Variants in TTC6 observed in about 807,000 individuals in gnomAD.
TTC6 encodes the protein tetratricopeptide repeat domain 6.
Under a neutral mutation model 210.4 loss-of-function variants are expected in TTC6, and 172 were observed. The ratio of observed to expected loss-of-function variants is 0.82; its 90% CI spans 0.72 to 0.93. The LOEUF is 0.93. TTC6 is among the 40% of genes least tolerant of loss of function. TTC6 has a pLI of 0.00. For synonymous variants in TTC6, 804 were observed against 819.6 expected (o/e 0.98, Z 0.32); for missense variants, 2,414 against 2,318.1 (o/e 1.04, Z -0.85).
chr14:37,833,703 A>G (rs1279396398), intron 29 of TTC6, among the ~76,000 whole-genome samples: 2 of 152,044 alleles, frequency 1.3e-5, no homozygotes, highest in African/African-American at 4.8e-5. Flanking sequence ...TATCTTTGAT[A>G]ATAAAATTTG....
At chr14:37,821,567 ATCT>A (rs2096157251) in intron 26 of TTC6, among the ~76,000 whole-genome samples, 1 of 151,996 alleles carries the variant, frequency 6.6e-6, no homozygotes, top group Non-Finnish European at 1.5e-5. Flanking sequence ...TTGTTGTGTG[ATCT>A]TCTAGAAGAA....
chr14:37,618,144 T>A (rs1339110088), upstream of TTC6, among the ~76,000 whole-genome samples: 1 of 152,174 alleles, frequency 6.6e-6, no homozygotes, highest in Non-Finnish European at 1.5e-5. Context: ...GATTTTCCGT[T>A]CCAACAGGAG....
intron 1 of TTC6, among the ~76,000 whole-genome samples, chr14:37,640,145 A>C (rs892812209): frequency 6.6e-6 from 1 of 152,006 alleles, no homozygotes; most frequent in African/African-American, 2.4e-5. Context: ...TGTTTTTTTC[A>C]AGATTAGAAT....
chr14:37,831,106 A>G (rs2096183955), intron 29 of TTC6, among the ~76,000 whole-genome samples: 1 of 151,930 alleles, frequency 6.6e-6, no homozygotes, highest in Non-Finnish European at 1.5e-5. Flanking sequence ...AATTGTAACC[A>G]TCATTCTACT....
intron 1 of TTC6, among the ~76,000 whole-genome samples, chr14:37,632,126 A>G (rs1009522825): frequency 3.3e-5 from 5 of 152,156 alleles, no homozygotes; most frequent in Admixed American, 6.5e-5. Flanking sequence ...CCAGTTGGTC[A>G]AACTCATTCT....
chr14:37,689,418 C>T (rs981654612), intron 3 of TTC6, among the ~76,000 whole-genome samples: 1 of 151,984 alleles, frequency 6.6e-6, no homozygotes, highest in East Asian at 1.9e-4. Flanking sequence ...GGGATAATAG[C>T]AGAGAACTTC....
chr14:37,808,730 T>C lies in TTC6; in HGVS notation c.4456-3T>C, dbSNP rs752011277. 10 of 1,409,366 alleles carry C rather than the reference T, an allele frequency of 7.1e-6. No homozygotes were observed. The allele number at this position is 1,409,366 out of a possible 1,614,324, so 87.3% of individuals were successfully genotyped here. A position where few individuals can be genotyped will look rare whatever the true frequency, so the allele number is the denominator to read the frequency against. On this transcript the variant is annotated splice_polypyrimidine_tract_variant and splice_region_variant and intron_variant, in intron 23 of 30. Coordinates refer to ENST00000553443, the Ensembl canonical transcript of TTC6. ...TCTCACATAATTACTTTTTTCTTTT[T>C]AGACTTATAAGCTAGCAATTACAGA...
intron 10 of TTC6, among the ~76,000 whole-genome samples, chr14:37,746,605 C>CTG (rs1424495753): frequency 6.6e-6 from 1 of 152,132 alleles, no homozygotes; most frequent in East Asian, 1.9e-4. Context: ...CTGGCTAAGG[C>CTG]TGTGTGTGGT....
At chr14:37,622,594 G>T (rs2095653344) in exon 1 of TTC6, 1 of 1,534,342 alleles carries the variant, frequency 6.5e-7, no homozygotes, top group Admixed American at 2.0e-5. Context: ...GCTCCCAGGC[G>T]GGTCTTCCAC....
At chr14:37,788,944 C>G (rs1428907873) in intron 15 of TTC6, among the ~76,000 whole-genome samples, 2 of 152,054 alleles carry the variant, frequency 1.3e-5, no homozygotes, top group Non-Finnish European at 2.9e-5. Flanking sequence ...TCATATTTCC[C>G]TCTTATACAA....
At chr14:37,715,508 G>A (rs1015826301) in intron 6 of TTC6, among the ~76,000 whole-genome samples, 2 of 151,900 alleles carry the variant, frequency 1.3e-5, no homozygotes, top group African/African-American at 4.8e-5. Context: ...AGTGGGAATG[G>A]CTATATTAAT....
At chr14:37,642,063 C>A (rs1372592078) in intron 1 of TTC6, among the ~76,000 whole-genome samples, 1 of 152,180 alleles carries the variant, frequency 6.6e-6, no homozygotes, top group Non-Finnish European at 1.5e-5. Context: ...TTTTCCTTTA[C>A]TGACTTAAAG....
chr14:37,707,999 T>C (rs1275144177), intron 5 of TTC6, among the ~76,000 whole-genome samples: 4 of 152,210 alleles, frequency 2.6e-5, no homozygotes, highest in Admixed American at 2.6e-4. Context: ...AGTTTCTCTC[T>C]GTGATCGTTA....
intron 10 of TTC6, among the ~76,000 whole-genome samples, chr14:37,746,768 G>C (rs144423322): frequency 2.0e-5 from 3 of 152,226 alleles, no homozygotes; most frequent in African/African-American, 7.2e-5. Context: ...CAGCATATGA[G>C]GCAATGTCAC....
Position 37,605,223 on chromosome 14 carries a change from G to A in TTC6, c.-234-1440G>A, listed in dbSNP as rs2095623003. ...AAATTGATTAAACCCTCCTATTGAT[G>A]AAGTTTGGAAGGGCTGCAGTTCAGC... On this transcript the variant is annotated intron_variant, in intron 1 of 2. Coordinates refer to the TTC6 transcript ENST00000556845. Among the ~76,000 whole-genome samples the A allele has an allele frequency of 2.0e-5, 3 of 152,148 alleles. No homozygotes were observed. In the South Asian group the frequency reaches 6.2e-4, roughly 32 times the overall value.
chr14:37,737,643 A>T lies in TTC6; in HGVS notation c.1909-17A>T. 1 of 1,450,568 alleles carries T rather than the reference A, an allele frequency of 6.9e-7. No individual in the cohort carries two copies. Among genetic ancestry groups the T allele is most frequent in the Admixed American group, 2.1e-5 (1 of 46,834 alleles). The allele number at this position is 1,450,568 out of a possible 1,614,324, so 89.9% of individuals were successfully genotyped here. On this transcript the variant is annotated splice_polypyrimidine_tract_variant and intron_variant, in intron 8 of 30. Transcript: ENST00000553443. ...TATCTGTGACTAATGTATATTTTTCATTTGATTATTTCACAGTGTTTCTTA... is the reference window on the plus strand; with the variant it reads ...TATCTGTGACTAATGTATATTTTTCTTTTGATTATTTCACAGTGTTTCTTA...
At chr14:37,687,392 G>A (rs532116698) in intron 3 of TTC6, among the ~76,000 whole-genome samples, 29 of 152,052 alleles carry the variant, frequency 1.9e-4, no homozygotes, top group Non-Finnish European at 3.7e-4. Flanking sequence ...TAAATTTGAA[G>A]GGCAATATAG....
intron 22 of TTC6, 92 bp from the exon 25 acceptor site, chr14:37,807,228 G>A (rs66496750): frequency 0.17 from 195,557 of 1,165,130 alleles, 17,740 homozygotes; most frequent in East Asian, 0.39. Context: ...TTTTTGGGAG[G>A]CATAGATTTG....
intron 9 of TTC6, among the ~76,000 whole-genome samples, chr14:37,738,434 A>T (rs1199221526): frequency 6.6e-6 from 1 of 151,034 alleles, no homozygotes; most frequent in Admixed American, 6.6e-5. Context: ...GTTTTTTTGC[A>T]TTAAATATAA....
Sources: allele counts gnomAD v4.1 joint callset (sites outside exome capture counted in the v4.1 genomes callset), GRCh38; gene constraint gnomAD v4.1.1; transcripts MANE v1.5; gene names NCBI Gene and HGNC (gene_info 2026-07-23, HGNC 2026-07-21).